Variants in RGS6 observed in about 807,000 individuals in gnomAD.
The protein encoded by RGS6 is regulator of G-protein signaling 6.
In RGS6, 30 loss-of-function variants were observed where a neutral mutation model predicts 78.5. The observed-to-expected ratio is 0.38, with a 90% CI of 0.29 to 0.52. RGS6 has a LOEUF of 0.52. Among genes scored for constraint, RGS6 ranks in the 20% least tolerant of loss-of-function variants. The pLI is 0.85. For synonymous variants in RGS6, 206 were observed against 206.0 expected (o/e 1.00, Z 0.00); for missense variants, 495 against 609.7 (o/e 0.81, Z 1.98).
chr14:72,111,389 A>G (rs2055386597), intron 2 of RGS6, among the ~76,000 whole-genome samples: 1 of 152,162 alleles, frequency 6.6e-6, no homozygotes, highest in Admixed American at 6.5e-5. Flanking sequence ...TGTGGAAGGG[A>G]AGTGGTAACA....
At chr14:72,469,233 T>C (rs1269275749) in intron 7 of RGS6, among the ~76,000 whole-genome samples, 3 of 151,096 alleles carry the variant, frequency 2.0e-5, no homozygotes, top group African/African-American at 4.9e-5. Context: ...TGAAACAGTT[T>C]CATTCTTGTT....
rs1488450655 is a variant in RGS6 at position 72,480,201 on chromosome 14, C to T, written c.854+1872C>T. Among the ~76,000 whole-genome samples, 5 of 152,204 alleles carry T rather than the reference C, an allele frequency of 3.3e-5. 1 individual carries two copies. In the East Asian group the frequency reaches 7.7e-4, roughly 23 times the overall value. On this transcript the variant is annotated intron_variant, in intron 12 of 17. Coordinates refer to ENST00000553525, the MANE Select transcript of RGS6 (RefSeq NM_001204424.2). ...CAGGATCCGGTGAAGCCATTGCCTGCTACTCAGGCTGACCTGAGAGCTCAC... is the reference window on the plus strand; with the variant it reads ...CAGGATCCGGTGAAGCCATTGCCTGTTACTCAGGCTGACCTGAGAGCTCAC...
At chr14:71,890,298 AGGATTAGTCTGATTTTAT>A in the RGS6 span, among the ~76,000 whole-genome samples, 3 of 151,230 alleles carry the variant, frequency 2.0e-5, no homozygotes, top group Admixed American at 2.0e-4. Flanking sequence ...GACAGCCGGT[AGGATTAGTCTGATTTTAT>A]GGCTCTTAGA....
At chr14:72,451,063 C>G (rs971153058) in intron 3 of RGS6, among the ~76,000 whole-genome samples, 2 of 151,068 alleles carry the variant, frequency 1.3e-5, no homozygotes, top group African/African-American at 4.8e-5. Flanking sequence ...GCACGTCCCC[C>G]TGTCTCTAGG....
At position 72,268,784 on chromosome 14, in the gene RGS6, A is replaced by ATGAT. The variant is rs145459537; in HGVS notation, c.85-83310_85-83307dup. On this transcript the variant is annotated intron_variant, in intron 2 of 17. Coordinates refer to ENST00000553525, the MANE Select transcript of RGS6 (RefSeq NM_001204424.2). ...TACCATCCCGCCCCATAAGACAATA[A>ATGAT]TGATATTCAGTGTTAGGCGCTTTAT... Among the ~76,000 whole-genome samples, 1,445 of 152,262 alleles carry ATGAT rather than the reference A, an allele frequency of 9.5e-3. 27 individuals carry two copies. The highest frequency in any genetic ancestry group is 0.033 in the African/African-American group (1,382 of 41,532).
chr14:72,137,922 T>C (rs1203195759), intron 2 of RGS6, among the ~76,000 whole-genome samples: 1 of 152,136 alleles, frequency 6.6e-6, no homozygotes, highest in East Asian at 1.9e-4. Flanking sequence ...AAGGTGGGAC[T>C]GAGAGTCCCA....
intron 2 of RGS6, among the ~76,000 whole-genome samples, chr14:71,997,665 C>T (rs549613793): frequency 1.1e-4 from 17 of 152,204 alleles, no homozygotes; most frequent in African/African-American, 3.9e-4. Flanking sequence ...CAGAAAATAT[C>T]AACATTTCGG....
At chr14:72,456,261 C>G (rs2095627017) in intron 4 of RGS6, among the ~76,000 whole-genome samples, 2 of 152,152 alleles carry the variant, frequency 1.3e-5, no homozygotes, top group South Asian at 4.1e-4. Context: ...CCCCTCTCTC[C>G]CTTCTTTTTC....
At chr14:72,290,299 C>A (rs1182366750) in intron 2 of RGS6, among the ~76,000 whole-genome samples, 1 of 152,160 alleles carries the variant, frequency 6.6e-6, no homozygotes, top group Non-Finnish European at 1.5e-5. Context: ...TTTCATATCA[C>A]CTCCCTGGTC....
chr14:72,067,111 G>A (rs1322881783), intron 2 of RGS6, among the ~76,000 whole-genome samples: 1 of 152,086 alleles, frequency 6.6e-6, no homozygotes, highest in Non-Finnish European at 1.5e-5. Flanking sequence ...AAATAGTGCT[G>A]CAATAAACAT....
chr14:72,377,563 T>TTA (rs1288065361), intron 3 of RGS6, among the ~76,000 whole-genome samples: 1 of 152,178 alleles, frequency 6.6e-6, no homozygotes, highest in Non-Finnish European at 1.5e-5. Context: ...CTAACGACAT[T>TTA]TACAGAATAT....
At chr14:72,407,293 A>T (rs2153034100) in intron 3 of RGS6, among the ~76,000 whole-genome samples, 1 of 152,290 alleles carries the variant, frequency 6.6e-6, no homozygotes, top group Admixed American at 6.5e-5. Context: ...GCTACATCAT[A>T]GTCTTTGCTT....
At chr14:72,330,152 C>T (rs1216307828) in intron 2 of RGS6, among the ~76,000 whole-genome samples, 1 of 152,214 alleles carries the variant, frequency 6.6e-6, no homozygotes, top group Non-Finnish European at 1.5e-5. Flanking sequence ...GGGATCCCAA[C>T]CCAGGATGAT....
At chr14:71,882,120 C>T in the RGS6 span, among the ~76,000 whole-genome samples, 4 of 152,168 alleles carry the variant, frequency 2.6e-5, no homozygotes, top group African/African-American at 7.2e-5. Context: ...CTCTCAGCTT[C>T]TGGTAACCAC....
chr14:72,392,145 A>G (rs2090136583), intron 3 of RGS6, among the ~76,000 whole-genome samples: 1 of 151,936 alleles, frequency 6.6e-6, no homozygotes, highest in African/African-American at 2.4e-5. Context: ...CAGCCTCTCC[A>G]GAGGAGACTT....
intron 2 of RGS6, among the ~76,000 whole-genome samples, chr14:72,295,306 A>G (rs1479564546): frequency 2.0e-5 from 3 of 149,926 alleles, no homozygotes; most frequent in Non-Finnish European, 4.5e-5. Context: ...AAAAAAAAAA[A>G]GAACCCTTTG....
At chr14:72,501,819 A>G (rs2096730722) in intron 13 of RGS6, among the ~76,000 whole-genome samples, 2 of 152,220 alleles carry the variant, frequency 1.3e-5, no homozygotes, top group Non-Finnish European at 2.9e-5. Flanking sequence ...GCAAAGAGCT[A>G]CAAGGAACCT....
At chr14:72,088,231 C>T (rs562230163) in intron 2 of RGS6, among the ~76,000 whole-genome samples, 38 of 152,258 alleles carry the variant, frequency 2.5e-4, no homozygotes, top group African/African-American at 9.1e-4. Flanking sequence ...ACCTTCGGGG[C>T]ACATTTTGTT....
chr14:72,370,416 C>T (rs999039493), intron 3 of RGS6, among the ~76,000 whole-genome samples: 1 of 152,148 alleles, frequency 6.6e-6, no homozygotes, highest in Non-Finnish European at 1.5e-5. Flanking sequence ...GCTTATTTAC[C>T]TGACTCTGGT....
Sources: gnomAD v4.1 joint callset for allele counts (sites outside exome capture counted in the v4.1 genomes callset) on GRCh38, gnomAD v4.1.1 for gene constraint, MANE v1.5 for transcripts, NCBI Gene and HGNC (gene_info 2026-07-23, HGNC 2026-07-21) for gene names.